DLC1: variants seen among roughly 807,000 people sequenced by gnomAD.
DLC1 encodes the protein DLC1 Rho GTPase activating protein, also known as rho GTPase-activating protein 7.
In DLC1, 54 loss-of-function variants were observed where a neutral mutation model predicts 140.3. That is an observed-to-expected ratio of 0.38 (90% CI 0.31 to 0.48). The LOEUF (loss-of-function observed/expected upper bound fraction) is 0.48, where lower values mean the gene tolerates loss of function less well. DLC1 is among the 20% of genes least tolerant of loss of function. The pLI, the probability that DLC1 is intolerant of heterozygous loss-of-function variation, is 0.96. For missense variants in DLC1, 2,536 were observed against 1,907.0 expected (o/e 1.33, Z -6.14); for synonymous variants, 986 against 728.1 (o/e 1.35, Z -5.70).
chr8:13,420,910 G>C (rs1039029708), intron 2 of DLC1, among the ~76,000 whole-genome samples: 16 of 152,084 alleles, frequency 1.1e-4, no homozygotes, highest in Non-Finnish European at 4.4e-5. Context: ...CCATGTGGCA[G>C]AAAGACCACT....
At position 13,090,266 on chromosome 8, in the gene DLC1, G is replaced by A; in HGVS notation, c.4060C>T (p.Leu1354=). ...VSYSTSEQAE[L]SYKKVSEGPP... ...TGAAGCCTTACCTTCTTATAGGACA[G>A]CTCAGCCTGCTCCGAAGTGGAGTAG... The change falls in exon 15 of 18, where the codon CTG becomes TTG. Residue 1354 remains leucine (L), a synonymous_variant. Coordinates refer to ENST00000276297, the MANE Select transcript of DLC1 (RefSeq NM_182643.3). The A allele has an allele frequency of 6.2e-7, 1 of 1,614,112 alleles. No homozygotes were observed. Among genetic ancestry groups the A allele is most frequent in the Non-Finnish European group, 8.5e-7 (1 of 1,180,006 alleles).
chr8:13,199,718 G>A (rs921994714), intron 5 of DLC1, among the ~76,000 whole-genome samples: 1 of 152,112 alleles, frequency 6.6e-6, no homozygotes, highest in Non-Finnish European at 1.5e-5. Context: ...TGTATTTATG[G>A]ATGATAACAT....
At chr8:13,348,679 C>T (rs1586180813) in intron 4 of DLC1, among the ~76,000 whole-genome samples, 1 of 151,804 alleles carries the variant, frequency 6.6e-6, no homozygotes, top group Non-Finnish European at 1.5e-5. Flanking sequence ...ATCTTAAAGC[C>T]CTCTCAAAAC....
intron 5 of DLC1, among the ~76,000 whole-genome samples, chr8:13,157,289 G>A (rs1239496155): frequency 1.3e-5 from 2 of 152,252 alleles, no homozygotes; most frequent in African/African-American, 2.4e-5. Context: ...AAAAGAATAC[G>A]TGCAATTTGA....
intron 5 of DLC1, among the ~76,000 whole-genome samples, chr8:13,206,324 G>T (rs980073510): frequency 3.9e-5 from 6 of 152,080 alleles, no homozygotes; most frequent in Non-Finnish European, 8.8e-5. Flanking sequence ...CATTGCAAAA[G>T]ATCTGAATAA....
At chr8:13,474,029 C>A (rs976998901) in intron 2 of DLC1, among the ~76,000 whole-genome samples, 1 of 152,190 alleles carries the variant, frequency 6.6e-6, no homozygotes, top group Non-Finnish European at 1.5e-5. Context: ...AAATGTTAAT[C>A]CCCAAGACAG....
intron 5 of DLC1, chr8:13,132,867 G>C (rs1563661395): frequency 2.0e-6 from 3 of 1,525,082 alleles, no homozygotes; most frequent in East Asian, 4.7e-5. Flanking sequence ...AAGGCGGGGT[G>C]ACACTTTCTC....
rs115458855 is a variant in DLC1 at position 13,443,752 on chromosome 8, A to T, written c.1024-42133T>A. On this transcript the variant is annotated intron_variant, in intron 2 of 17. Coordinates refer to ENST00000276297, the MANE Select transcript of DLC1 (RefSeq NM_182643.3). The stretch of plus-strand genomic sequence containing the variant: ...GCAGGCAAATAGATTTCTCTGTTAC[A>T]ATACTTTCCCCAGGCTTTTCATGAT... 5.6e-3 allele frequency among the ~76,000 whole-genome samples: 856 copies of T among 152,346 alleles called. 8 individuals are homozygous for T. The highest frequency in any genetic ancestry group is 0.019 in the African/African-American group (808 of 41,590).
chr8:13,384,144 C>T (rs563729722), intron 4 of DLC1, among the ~76,000 whole-genome samples: 1 of 152,162 alleles, frequency 6.6e-6, no homozygotes, highest in Admixed American at 6.5e-5. Context: ...AACAGATAAT[C>T]GATATAGCAG....
chr8:13,327,575 T>C (rs1833420196), intron 4 of DLC1, among the ~76,000 whole-genome samples: 1 of 151,846 alleles, frequency 6.6e-6, no homozygotes, highest in South Asian at 2.1e-4. Context: ...CTGTCTCAGG[T>C]TCTCATTGTT....
At chr8:13,139,881 T>G (rs1475276343) in intron 5 of DLC1, among the ~76,000 whole-genome samples, 2 of 152,256 alleles carry the variant, frequency 1.3e-5, no homozygotes, top group African/African-American at 4.8e-5. Context: ...TTAGCTAATT[T>G]AAATGGCATG....
At chr8:13,164,269 C>A (rs1824937372) in intron 5 of DLC1, among the ~76,000 whole-genome samples, 1 of 149,318 alleles carries the variant, frequency 6.7e-6, no homozygotes, top group Non-Finnish European at 1.5e-5. Flanking sequence ...TGCACTCAAA[C>A]CTGGGGGACA....
intron 1 of DLC1, among the ~76,000 whole-genome samples, chr8:13,591,340 G>C (rs1350644230): frequency 6.6e-6 from 1 of 152,004 alleles, no homozygotes; most frequent in Non-Finnish European, 1.5e-5. Flanking sequence ...TAAATCATGG[G>C]GGCAGTTGCC....
intron 2 of DLC1, among the ~76,000 whole-genome samples, chr8:13,473,330 C>G (rs779352990): frequency 6.6e-6 from 1 of 152,162 alleles, no homozygotes; most frequent in Non-Finnish European, 1.5e-5. Context: ...CTTTCCCATG[C>G]TGTTCCCGTG....
chr8:13,191,492 A>G (rs1585878636), intron 5 of DLC1, among the ~76,000 whole-genome samples: 3 of 151,704 alleles, frequency 2.0e-5, no homozygotes, highest in East Asian at 3.9e-4. Flanking sequence ...CTCTGTCTCA[A>G]AAACAACAAC....
intron 5 of DLC1, among the ~76,000 whole-genome samples, chr8:13,186,521 A>T (rs971092116): frequency 2.6e-5 from 4 of 152,128 alleles, no homozygotes; most frequent in African/African-American, 9.7e-5. Flanking sequence ...GGTCTTCTCT[A>T]CACTGTTTAT....
intron 2 of DLC1, among the ~76,000 whole-genome samples, chr8:13,467,047 T>C (rs768445365): frequency 6.6e-6 from 1 of 152,230 alleles, no homozygotes; most frequent in Non-Finnish European, 1.5e-5. Context: ...TCATGTTTCA[T>C]TGATTTCCTA....
intron 5 of DLC1, among the ~76,000 whole-genome samples, chr8:13,232,891 C>G (rs759735172): frequency 3.3e-5 from 5 of 152,096 alleles, no homozygotes; most frequent in Non-Finnish European, 7.4e-5. Flanking sequence ...TGTAAAAACA[C>G]AAAGTAAATA....
intron 5 of DLC1, among the ~76,000 whole-genome samples, chr8:13,215,582 C>G (rs34776207): frequency 0.36 from 54,398 of 151,926 alleles, 10,617 homozygotes; most frequent in East Asian, 0.82. Context: ...AAGACCCTAT[C>G]TCAAAAAACA....
Sources: allele counts gnomAD v4.1 joint callset (sites outside exome capture counted in the v4.1 genomes callset), GRCh38; gene constraint gnomAD v4.1.1; transcripts MANE v1.5; gene names NCBI Gene and HGNC (gene_info 2026-07-23, HGNC 2026-07-21).